CTDSPL: variants seen among roughly 807,000 people sequenced by gnomAD.
CTDSPL encodes the protein CTD small phosphatase like, also known as CTD small phosphatase-like protein.
In CTDSPL, 8 loss-of-function variants were observed where a neutral mutation model predicts 30.5. The observed-to-expected ratio is 0.26, with a 90% CI of 0.15 to 0.47. CTDSPL has a LOEUF of 0.47. Among genes scored for constraint, CTDSPL ranks in the 20% least tolerant of loss-of-function variants. CTDSPL has a pLI of 0.99. For synonymous variants in CTDSPL, 110 were observed against 137.9 expected (o/e 0.80, Z 1.42); for missense variants, 248 against 366.1 (o/e 0.68, Z 2.63).
chr3:37,955,404 G>A (rs1266285557), intron 2 of CTDSPL, among the ~76,000 whole-genome samples: 1 of 152,154 alleles, frequency 6.6e-6, no homozygotes, highest in Non-Finnish European at 1.5e-5. Flanking sequence ...TCCAACCTGG[G>A]TGACAGAGCA....
At chr3:37,914,106 T>G (rs1698615242) in intron 1 of CTDSPL, among the ~76,000 whole-genome samples, 1 of 152,198 alleles carries the variant, frequency 6.6e-6, no homozygotes. Flanking sequence ...GCTTTAAAAA[T>G]TTCTCCAAAT....
intron 1 of CTDSPL, among the ~76,000 whole-genome samples, chr3:37,928,599 C>A (rs186457329): frequency 1.3e-5 from 2 of 152,086 alleles, no homozygotes; most frequent in Admixed American, 6.5e-5. Context: ...TGCAAATGAC[C>A]GTTTTTTAAT....
At chr3:37,960,535 T>TAC (rs71288085) in intron 3 of CTDSPL, among the ~76,000 whole-genome samples, 1,274 of 16,192 alleles carry the variant, frequency 0.079, 94 homozygotes, top group East Asian at 0.12. Context: ...TATATATATA[T>TAC]ACACACACAC....
intron 1 of CTDSPL, among the ~76,000 whole-genome samples, chr3:37,902,389 A>G (rs972064936): frequency 6.6e-6 from 1 of 151,882 alleles, no homozygotes. Context: ...GAAGATCTCT[A>G]AGGACATAGG....
chr3:37,947,941 C>T (rs1699058288), intron 2 of CTDSPL, among the ~76,000 whole-genome samples: 1 of 152,224 alleles, frequency 6.6e-6, no homozygotes, highest in African/African-American at 2.4e-5. Flanking sequence ...CCAAAATCTA[C>T]CCACATGCTA....
intron 1 of CTDSPL, among the ~76,000 whole-genome samples, chr3:37,932,218 C>A (rs1475096579): frequency 6.6e-6 from 1 of 152,110 alleles, no homozygotes; most frequent in African/African-American, 2.4e-5. Flanking sequence ...TATACCAGGA[C>A]AAACCCCAAA....
intron 1 of CTDSPL, among the ~76,000 whole-genome samples, chr3:37,877,183 C>T (rs1324485832): frequency 6.6e-6 from 1 of 151,966 alleles, no homozygotes; most frequent in Admixed American, 6.6e-5. Flanking sequence ...ATTCATATTG[C>T]TGTGCAGCTA....
intron 2 of CTDSPL, among the ~76,000 whole-genome samples, chr3:37,953,529 G>C (rs1308115464): frequency 6.6e-6 from 1 of 152,176 alleles, no homozygotes; most frequent in Non-Finnish European, 1.5e-5. Flanking sequence ...GTAGGTGACA[G>C]TTTCTGACAT....
intron 1 of CTDSPL, among the ~76,000 whole-genome samples, chr3:37,933,808 CCTT>C (rs1698883632): frequency 6.6e-6 from 1 of 152,122 alleles, no homozygotes; most frequent in South Asian, 2.1e-4. Context: ...GGAGCTGCAT[CCTT>C]CTTTTTAACA....
intron 7 of CTDSPL, among the ~76,000 whole-genome samples, chr3:37,979,758 T>TCA (rs139766577): frequency 0.046 from 6,996 of 151,790 alleles, 166 homozygotes; most frequent in African/African-American, 0.059. Flanking sequence ...TGACGCTGTG[T>TCA]CACACACACA....
chr3:37,879,526 T>C (rs983431821), intron 1 of CTDSPL, among the ~76,000 whole-genome samples: 2 of 152,254 alleles, frequency 1.3e-5, no homozygotes, highest in African/African-American at 4.8e-5. Flanking sequence ...ATTCTCCTTC[T>C]GTGCCACTTG....
intron 1 of CTDSPL, among the ~76,000 whole-genome samples, chr3:37,902,655 G>A (rs62239975): frequency 0.056 from 8,515 of 152,232 alleles, 292 homozygotes; most frequent in African/African-American, 0.083. Context: ...CCCAACTGCT[G>A]TCTCTGCTGC....
chr3:37,915,474 T>A (rs115009441), intron 1 of CTDSPL, among the ~76,000 whole-genome samples: 1,823 of 152,306 alleles, frequency 0.012, 19 homozygotes, highest in Non-Finnish European at 0.017. Context: ...CATCTTTATT[T>A]TCTGTCCTTG....
intron 1 of CTDSPL, among the ~76,000 whole-genome samples, chr3:37,928,099 T>G (rs1212691345): frequency 6.6e-6 from 1 of 152,236 alleles, no homozygotes; most frequent in Non-Finnish European, 1.5e-5. Flanking sequence ...CTGAATAATA[T>G]TCCATTGTAT....
intron 1 of CTDSPL, among the ~76,000 whole-genome samples, chr3:37,915,622 T>A (rs919744416): frequency 3.9e-5 from 6 of 152,234 alleles, no homozygotes; most frequent in African/African-American, 1.4e-4. Flanking sequence ...AAATCTAGAA[T>A]TACTGGGTTT....
rs1309559211 is a variant in CTDSPL, at chr3:37,975,267, C to T, written c.520-442C>T. On this transcript the variant is annotated intron_variant, in intron 6 of 7. Coordinates refer to ENST00000273179, the MANE Select transcript of CTDSPL (RefSeq NM_001008392.2). This position sits in a 1 kb window ranked among gnomAD's most constrained non-coding sequence, Gnocchi z 4.9. ...AGGAACGTGGGCCTTACTCCAAGTG[C>T]GGTGTGTAGACAGTGGAGAGTTTTC... is the stretch of plus-strand genomic sequence containing the variant. Among the ~76,000 whole-genome samples the T allele has an allele frequency of 3.3e-5, 5 of 152,130 alleles. No individual in the cohort carries two copies. Among genetic ancestry groups the T allele is most frequent in the East Asian group, 1.9e-4 (1 of 5,186 alleles).
chr3:37,911,859 G>A (rs1478681574), intron 1 of CTDSPL: 1 of 371,134 alleles, frequency 2.7e-6, no homozygotes, highest in Non-Finnish European at 5.5e-6. Flanking sequence ...GGGGGTTTGA[G>A]ACCAACCTGG....
At chr3:37,926,490 T>C (rs1698782872) in intron 1 of CTDSPL, among the ~76,000 whole-genome samples, 1 of 152,224 alleles carries the variant, frequency 6.6e-6, no homozygotes, top group African/African-American at 2.4e-5. Context: ...TGAGGACTCT[T>C]GAGGCATTCT....
chr3:37,974,908 C>T (rs1699408280), intron 6 of CTDSPL, among the ~76,000 whole-genome samples: 1 of 152,184 alleles, frequency 6.6e-6, no homozygotes, highest in African/African-American at 2.4e-5. Flanking sequence ...CTGAGCCCCT[C>T]TTGTGGTAGA....
Sources: gnomAD v4.1 joint callset for allele counts (sites outside exome capture counted in the v4.1 genomes callset) on GRCh38, gnomAD v4.1.1 for gene constraint, Gnocchi (gnomAD v3.1) non-coding constraint, MANE v1.5 for transcripts, NCBI Gene and HGNC (gene_info 2026-07-23, HGNC 2026-07-21) for gene names.